SLC22A16: variants seen among roughly 807,000 people sequenced by gnomAD.
The protein encoded by SLC22A16 is WUGSC:RG331P03.1.
In SLC22A16, 53 loss-of-function variants were observed where a neutral mutation model predicts 52.9. That is an observed-to-expected ratio of 1.00 (90% CI 0.80 to 1.26). The LOEUF (loss-of-function observed/expected upper bound fraction) is 1.26, where lower values mean the gene tolerates loss of function less well. Ranked by LOEUF, SLC22A16 falls within the 50% of genes most tolerant of loss-of-function variation. The probability of loss-of-function intolerance (pLI) is 0.00; values close to 1 mark genes in which losing one functional copy is unlikely to be tolerated. For synonymous variants in SLC22A16, 291 were observed against 268.8 expected (o/e 1.08, Z -0.81); for missense variants, 726 against 704.0 (o/e 1.03, Z -0.35).
rs188708076 is a variant in SLC22A16, at chr6:110,444,796, G to A, written c.652-2021C>T. 9.9e-5 allele frequency among the ~76,000 whole-genome samples: 15 copies of A among 152,196 alleles called. No homozygotes were observed. The East Asian group carries it at 1.5e-3, about 16-fold the overall frequency. ...TTGTAATGGCAAGACTCAGATCATCGGGACCCTACATCTAACAATCCAGAA... is the reference window on the plus strand; with the variant it reads ...TTGTAATGGCAAGACTCAGATCATCAGGACCCTACATCTAACAATCCAGAA... On this transcript the variant is annotated intron_variant, in intron 3 of 7. Coordinates refer to ENST00000368919, the MANE Select transcript of SLC22A16 (RefSeq NM_033125.4).
intron 3 of SLC22A16, among the ~76,000 whole-genome samples, 178 bp downstream of exon 3, chr6:110,446,695 T>A (rs958456807): frequency 6.6e-6 from 1 of 152,220 alleles, no homozygotes; most frequent in Non-Finnish European, 1.5e-5. Context: ...TTTTTCACTT[T>A]AATGAGTTCC....
At chr6:110,476,438 C>A (rs1776482667) in intron 1 of SLC22A16, 84 bp downstream of exon 1, 3 of 1,407,892 alleles carry the variant, frequency 2.1e-6, no homozygotes, top group Non-Finnish European at 2.8e-6. Context: ...TCGCGAGCGC[C>A]GCGCGAGAAC....
chr6:110,432,773 T>C (rs1774557650), intron 6 of SLC22A16, among the ~76,000 whole-genome samples: 1 of 152,260 alleles, frequency 6.6e-6, no homozygotes, highest in South Asian at 2.1e-4. Context: ...TGTCTGCTAC[T>C]GTACATCTGT....
At chr6:110,470,312 GA>G (rs59073642) in intron 1 of SLC22A16, among the ~76,000 whole-genome samples, 22,413 of 152,094 alleles carry the variant, frequency 0.15, 2,041 homozygotes, top group East Asian at 0.28. Flanking sequence ...TCCCATCCCT[GA>G]AATTTCAACT....
chr6:110,442,303 G>T lies in SLC22A16; in HGVS notation c.1124C>A (p.Ser375Ter), dbSNP rs146329765. Residue 375 changes from serine to a stop codon, truncating the protein, a stop_gained, in exon 4 of 8, where the codon TCG becomes TAG. Coordinates refer to ENST00000368919, the MANE Select transcript of SLC22A16 (RefSeq NM_033125.4). LOFTEE classifies it high-confidence loss of function. ...IWFTGSLGFYSFSLNSVNLGG... is the reference protein window; with the variant it reads ...IWFTGSLGFY ...TAAGTTAACAGAATTCAAGGAAAAC[G>T]AGTAGAATCCCAAACTTCCAGTGAA... The T allele has an allele frequency of 1.9e-6, 3 of 1,614,020 alleles. No homozygotes were observed. The African/African-American group carries it at 4.0e-5, about 22-fold the overall frequency.
intron 6 of SLC22A16, 105 bp from the exon 7 acceptor site, chr6:110,431,375 G>T: frequency 4.2e-6 from 4 of 953,324 alleles, no homozygotes; most frequent in South Asian, 1.4e-5. Flanking sequence ...GCAAGGATAA[G>T]GGTGGTCAGG....
rs746043200 is a variant in SLC22A16 at position 110,456,646 on chromosome 6, G to A, written c.425C>T (p.Thr142Ile). 3 of 1,614,144 alleles carry A rather than the reference G, an allele frequency of 1.9e-6. No homozygotes were observed. Among genetic ancestry groups the A allele is most frequent in the Admixed American group, 3.3e-5 (2 of 60,006 alleles). Residue 142 changes from threonine (T) to isoleucine (I), a missense_variant, in exon 2 of 8, where the codon ACC becomes ATC. Thr to Ile is a moderately conservative substitution (Grantham distance 89). Coordinates refer to ENST00000368919, the MANE Select transcript of SLC22A16 (RefSeq NM_033125.4). ...TCGGTCACAGACCAGGTTCCACTGGGTCACCGCAGTGCTTTTCCATGTGTT... is the reference window on the plus strand; with the variant it reads ...TCGGTCACAGACCAGGTTCCACTGGATCACCGCAGTGCTTTTCCATGTGTT... ...DQNTWKSTAV[T>I]QWNLVCDRKW...
chr6:110,467,377 G>A (rs1776106988), intron 1 of SLC22A16, among the ~76,000 whole-genome samples: 2 of 151,988 alleles, frequency 1.3e-5, no homozygotes, highest in Admixed American at 1.3e-4. Context: ...GTACCATTCT[G>A]TTATTTATGT....
In SLC22A16 at chr6:110,425,218, C is replaced by T. The variant is rs181266713; in HGVS notation, c.1522-133G>A. 8,022 of 1,517,362 alleles carry T rather than the reference C, an allele frequency of 5.3e-3. 30 individuals are homozygous for T. Among genetic ancestry groups the T allele is most frequent in the Middle Eastern group, 9.3e-3 (54 of 5,796 alleles). 94.0% of individuals were successfully genotyped at this position (1,517,362 alleles called of 1,614,324 possible). ...CATAACAGTTGTCACTGTGATTACT[C>T]GGTGAGATCTTTGGTTACTTGTGCT... On this transcript the variant is annotated intron_variant, in intron 7 of 7. Transcript: ENST00000368919.
chr6:110,468,778 T>C (rs1776162248), intron 1 of SLC22A16, among the ~76,000 whole-genome samples: 1 of 152,160 alleles, frequency 6.6e-6, no homozygotes, highest in Non-Finnish European at 1.5e-5. Context: ...GTGTTGCTCT[T>C]GCTCAAAAGA....
chr6:110,468,259 A>C (rs1776139592), intron 1 of SLC22A16, among the ~76,000 whole-genome samples: 2 of 152,254 alleles, frequency 1.3e-5, no homozygotes, highest in Non-Finnish European at 2.9e-5. Context: ...GGCAGCCAAC[A>C]GAAGAGCTTG....
intron 1 of SLC22A16, among the ~76,000 whole-genome samples, chr6:110,473,835 T>C (rs1344345672): frequency 6.6e-6 from 1 of 151,884 alleles, no homozygotes; most frequent in Non-Finnish European, 1.5e-5. Flanking sequence ...TGTTTTCCCC[T>C]TTTAAAGGTG....
chr6:110,436,512 G>C lies in SLC22A16; in HGVS notation c.1312-551C>G, dbSNP rs981745899. Among the ~76,000 whole-genome samples, 4 of 152,166 alleles carry C rather than the reference G, an allele frequency of 2.6e-5. No individual in the cohort carries two copies. In the South Asian group the frequency reaches 6.2e-4, roughly 24 times the overall value. The stretch of plus-strand genomic sequence containing the variant: ...GTGATGGTACATGCCTGTGGTCCCA[G>C]CTACTGGAGAAGCTAAGGCAGGAGG... On this transcript the variant is annotated intron_variant, in intron 5 of 7. Transcript: ENST00000368919.
chr6:110,442,873 T>C (rs1775033230), intron 3 of SLC22A16, 98 bp from the exon 4 acceptor site: 2 of 1,081,338 alleles, frequency 1.8e-6, no homozygotes, highest in South Asian at 1.7e-5. Context: ...AAAAAGAAAA[T>C]GACAAAGACT....
At chr6:110,435,775 T>C (rs1163153523) in intron 6 of SLC22A16, 77 bp downstream of exon 6, 9 of 1,078,140 alleles carry the variant, frequency 8.3e-6, no homozygotes, top group Admixed American at 7.0e-5. Context: ...AGCATTTACA[T>C]GTAAAGGCCA....
At chr6:110,472,317 C>A (rs886670669) in intron 1 of SLC22A16, among the ~76,000 whole-genome samples, 17 of 152,026 alleles carry the variant, frequency 1.1e-4, no homozygotes, top group Admixed American at 1.1e-3. Context: ...CTCTCCAGAC[C>A]CTCTTTCTCT....
At chr6:110,438,199 A>G (rs1363849927) in intron 5 of SLC22A16, among the ~76,000 whole-genome samples, 2 of 152,264 alleles carry the variant, frequency 1.3e-5, no homozygotes, top group East Asian at 3.8e-4. Context: ...TGCTGAATGA[A>G]TAAATGAGTG....
At chr6:110,441,433 C>T (rs1169619861) in intron 4 of SLC22A16, among the ~76,000 whole-genome samples, 3 of 152,158 alleles carry the variant, frequency 2.0e-5, no homozygotes, top group African/African-American at 7.2e-5. Flanking sequence ...AGATGAAACA[C>T]GGTTTTACGA....
At position 110,424,958 on chromosome 6, in the gene SLC22A16, G is replaced by C. The variant is rs777494095; in HGVS notation, c.1649C>G (p.Ser550Ter). Residue 550 changes from serine to a stop codon, truncating the protein, a stop_gained, in exon 8 of 8, where the codon TCA (serine) becomes TGA (stop). Coordinates refer to ENST00000368919, the MANE Select transcript of SLC22A16 (RefSeq NM_033125.4). LOFTEE classifies it low-confidence loss of function (END_TRUNC). Reference sequence around the variant, plus strand: ...ATTAGTTGTGAGAAGTAATTTGCTTGACTTGCTTTCATTCTCTGACTCCAG... The same window carrying C: ...ATTAGTTGTGAGAAGTAATTTGCTTCACTTGCTTTCATTCTCTGACTCCAG... ...AKLESENESK[S>*]SKLLLTTNNS... 2 of 1,614,080 alleles carry C rather than the reference G, an allele frequency of 1.2e-6. No homozygotes were observed. The highest frequency in any genetic ancestry group is 2.2e-5 in the South Asian group (2 of 91,064).
Sources: allele counts gnomAD v4.1 joint callset (sites outside exome capture counted in the v4.1 genomes callset), GRCh38; gene constraint gnomAD v4.1.1; transcripts MANE v1.5; gene names NCBI Gene and HGNC (gene_info 2026-07-23, HGNC 2026-07-21).